TBC1D9: variants seen among roughly 807,000 people sequenced by gnomAD.
TBC1D9 encodes TBC1 domain family member 9A.
TBC1D9 carries 63 observed loss-of-function variants against 132.0 expected under a neutral mutation model. The observed-to-expected ratio is 0.48, with a 90% confidence interval of 0.39 to 0.59. The LOEUF is 0.59. TBC1D9 is among the 20% of genes least tolerant of loss of function. The probability of loss-of-function intolerance (pLI) is 0.00; values close to 1 mark genes in which losing one functional copy is unlikely to be tolerated. For missense variants in TBC1D9, 1,261 were observed against 1,592.7 expected (o/e 0.79, Z 3.54); for synonymous variants, 610 against 609.9 (o/e 1.00, Z 0.00).
chr4:140,670,749 C>A lies in TBC1D9; in HGVS notation c.1237G>T (p.Ala413Ser), dbSNP rs1327014990. Reference protein sequence around the residue: ...TSKIYSDKEFAGSYNSSDDEV... With the variant: ...TSKIYSDKEFSGSYNSSDDEV... ...TCATCTGAACTGTTGTAACTTCCTG[C>A]AAACTCCTTGTCAGAATATATTTTG... is the stretch of plus-strand genomic sequence containing the variant. The change falls in exon 7 of 21, where the codon GCA (alanine) becomes TCA (serine). Residue 413 changes from alanine (A) to serine (S), a missense_variant. Ala to Ser is a moderately conservative substitution (Grantham distance 99, BLOSUM62 1). This residue lies in a region of TBC1D9 where 550 missense variants were observed against 699.0 expected (regional missense o/e 0.79). Coordinates refer to ENST00000442267, the MANE Select transcript of TBC1D9 (RefSeq NM_015130.3). 1.2e-6 allele frequency: 2 copies of A among 1,613,932 alleles called. No individual in the cohort carries two copies. The highest frequency in any genetic ancestry group is 8.5e-7 in the Non-Finnish European group (1 of 1,179,900).
intron 1 of TBC1D9, among the ~76,000 whole-genome samples, chr4:140,727,990 C>G (rs1435933223): frequency 1.3e-5 from 2 of 152,170 alleles, no homozygotes; most frequent in African/African-American, 2.4e-5. Flanking sequence ...AAATCATAGT[C>G]TACCAGAAAA....
chr4:140,741,886 A>G (rs1015739991), intron 1 of TBC1D9, among the ~76,000 whole-genome samples: 3 of 152,168 alleles, frequency 2.0e-5, no homozygotes, highest in Admixed American at 1.3e-4. Flanking sequence ...AACTCTTCCA[A>G]TCAATTGCCA....
chr4:140,728,806 G>A (rs975968139), intron 1 of TBC1D9, among the ~76,000 whole-genome samples: 1 of 152,124 alleles, frequency 6.6e-6, no homozygotes, highest in African/African-American at 2.4e-5. Context: ...GGGACTACAG[G>A]TGTGCGCCAC....
At chr4:140,687,390 ATATAT>A (rs1737805614) in intron 2 of TBC1D9, among the ~76,000 whole-genome samples, 3 of 117,570 alleles carry the variant, frequency 2.6e-5, no homozygotes, top group Admixed American at 9.0e-5. Flanking sequence ...ATATATATAT[ATATAT>A]AAACATATAG....
At chr4:140,750,391 A>G (rs563085013) in intron 1 of TBC1D9, among the ~76,000 whole-genome samples, 4 of 152,214 alleles carry the variant, frequency 2.6e-5, no homozygotes, top group South Asian at 4.1e-4. Context: ...TATGCAGGAA[A>G]TAAAAAGAAG....
At chr4:140,709,287 CA>C in intron 1 of TBC1D9, among the ~76,000 whole-genome samples, 1 of 149,234 alleles carries the variant, frequency 6.7e-6, no homozygotes, top group Non-Finnish European at 1.5e-5. Context: ...CACACACACA[CA>C]CCCCAATTCA....
intron 16 of TBC1D9, among the ~76,000 whole-genome samples, chr4:140,631,914 A>G (rs1736800443): frequency 6.6e-6 from 1 of 152,148 alleles, no homozygotes; most frequent in African/African-American, 2.4e-5. Context: ...TAGTTTCTTT[A>G]AACACAGACA....
intron 1 of TBC1D9, among the ~76,000 whole-genome samples, chr4:140,751,823 T>C (rs926135468): frequency 1.3e-5 from 2 of 152,156 alleles, no homozygotes; most frequent in African/African-American, 2.4e-5. Context: ...CTAATAAACA[T>C]ATGGAAAAAT....
At chr4:140,633,076 C>G (rs1736823530) in intron 16 of TBC1D9, among the ~76,000 whole-genome samples, 1 of 152,174 alleles carries the variant, frequency 6.6e-6, no homozygotes, top group South Asian at 2.1e-4. Flanking sequence ...CTTCCTCTGG[C>G]CTTTATGTCT....
At chr4:140,656,983 A>G (rs1396010672) in intron 13 of TBC1D9, 114 bp downstream of exon 13, 9 of 1,314,308 alleles carry the variant, frequency 6.8e-6, no homozygotes, top group Non-Finnish European at 9.3e-6. Context: ...ACTGAGAAAT[A>G]AATATCTGTT....
At chr4:140,722,401 C>A (rs978167424) in intron 1 of TBC1D9, among the ~76,000 whole-genome samples, 1 of 152,184 alleles carries the variant, frequency 6.6e-6, no homozygotes, top group African/African-American at 2.4e-5. Context: ...TTAAAGCCAG[C>A]ACCATAAATA....
intron 6 of TBC1D9, among the ~76,000 whole-genome samples, chr4:140,674,968 C>G (rs1302279914): frequency 6.6e-6 from 1 of 152,176 alleles, no homozygotes; most frequent in African/African-American, 2.4e-5. Context: ...CCCGGCTTCC[C>G]AAATTTCTGG....
Position 140,670,937 on chromosome 4 carries a change from G to A in TBC1D9, c.1060-11C>T, listed in dbSNP as rs372795909. The A allele has an allele frequency of 3.1e-6, 5 of 1,612,690 alleles. No homozygotes were observed. Among genetic ancestry groups the A allele is most frequent in the Non-Finnish European group, 3.4e-6 (4 of 1,178,920 alleles). ...TTCCACAATTGTCACCTGAAAAGAAGTGGGAAACAAAGAGCATTATTTTCC... is the reference window on the plus strand; with the variant it reads ...TTCCACAATTGTCACCTGAAAAGAAATGGGAAACAAAGAGCATTATTTTCC... On this transcript the variant is annotated splice_polypyrimidine_tract_variant and intron_variant, in intron 6 of 20. Coordinates refer to ENST00000442267, the MANE Select transcript of TBC1D9 (RefSeq NM_015130.3).
At chr4:140,643,100 A>C in intron 13 of TBC1D9, 1 of 1,388,058 alleles carries the variant, frequency 7.2e-7, no homozygotes, top group South Asian at 1.3e-5. Flanking sequence ...CTCCCGTGGG[A>C]GCCGCAGGTT....
At chr4:140,719,468 C>A (rs1738390383) in intron 1 of TBC1D9, among the ~76,000 whole-genome samples, 1 of 152,090 alleles carries the variant, frequency 6.6e-6, no homozygotes, top group African/African-American at 2.4e-5. Flanking sequence ...GGAAGCTGGG[C>A]ACTGGAAGGA....
At chr4:140,627,320 A>G (rs1172165296) in intron 18 of TBC1D9, 121 bp downstream of exon 18, 14 of 669,986 alleles carry the variant, frequency 2.1e-5, no homozygotes, top group Non-Finnish European at 1.0e-5. Context: ...AAAGTAACCA[A>G]TTAAGGCAAC....
intron 2 of TBC1D9, among the ~76,000 whole-genome samples, chr4:140,698,717 G>A (rs545694261): frequency 3.4e-4 from 50 of 148,060 alleles, no homozygotes; most frequent in Admixed American, 3.4e-4. Flanking sequence ...GAGCCTGGGC[G>A]ACAGAGTGAG....
chr4:140,622,791 A>G lies in TBC1D9; in HGVS notation c.3205T>C (p.Leu1069=), dbSNP rs1736640976. The change falls in exon 21 of 21, where the codon TTG becomes CTG. Residue 1069 remains leucine (L), a synonymous_variant. Coordinates refer to ENST00000442267, the MANE Select transcript of TBC1D9 (RefSeq NM_015130.3). The part of the protein sequence containing the change: ...LLLEIGEVGK[L]FVAQPAKEGG... ...TCCTTTGCAGGCTGGGCCACGAACA[A>G]CTTGCCGACCTCCCCAATCTCCAGC... 1 of 1,602,684 alleles carries G rather than the reference A, an allele frequency of 6.2e-7. No individual in the cohort carries two copies. The highest frequency in any genetic ancestry group is 8.5e-7 in the Non-Finnish European group (1 of 1,178,962).
intron 15 of TBC1D9, among the ~76,000 whole-genome samples, chr4:140,637,535 T>TC (rs925604133): frequency 5.9e-5 from 9 of 151,912 alleles, no homozygotes; most frequent in Middle Eastern, 3.2e-3. Context: ...TTCGTTTAGC[T>TC]CCCCCCAGAA....
Sources: allele counts gnomAD v4.1 joint callset (sites outside exome capture counted in the v4.1 genomes callset), GRCh38; gene constraint gnomAD v4.1.1; regional missense constraint gnomAD v4.1.1; transcripts MANE v1.5; gene names NCBI Gene and HGNC (gene_info 2026-07-23, HGNC 2026-07-21).